The following NOTCH4 variants were observed in gnomAD, a reference collection of about 807,000 sequenced individuals.
NOTCH4 encodes notch receptor 4.
In NOTCH4, 138 loss-of-function variants were observed where a neutral mutation model predicts 189.0. The ratio of observed to expected loss-of-function variants is 0.73; its 90% confidence interval spans 0.64 to 0.84. The LOEUF (loss-of-function observed/expected upper bound fraction) is 0.84. Among genes scored for constraint, NOTCH4 ranks in the 40% least tolerant of loss-of-function variants. The pLI is 0.00. For missense variants in NOTCH4, 2,286 were observed against 2,605.4 expected (o/e 0.88, Z 2.67); for synonymous variants, 942 against 1,032.8 (o/e 0.91, Z 1.69).
Position 32,213,178 on chromosome 6 carries a change from C to T in NOTCH4, c.2395G>A (p.Gly799Ser). ...FSCLCAMGFQGPRCEGKLRPS... is the reference protein window; with the variant it reads ...FSCLCAMGFQSPRCEGKLRPS... ...CGGAGCTTTCCCTCACAGCGCGGGCCCTGGAAGCCCATGGCACAGAGGCAG... is the reference window on the plus strand; with the variant it reads ...CGGAGCTTTCCCTCACAGCGCGGGCTCTGGAAGCCCATGGCACAGAGGCAG... Residue 799 changes from glycine to serine, a missense_variant, in exon 15 of 30, where the codon GGC (glycine) becomes AGC (serine). Physicochemically the swap from Gly to Ser is moderately conservative, Grantham distance 56. Coordinates refer to ENST00000375023, the MANE Select transcript of NOTCH4 (RefSeq NM_004557.4). The T allele has an allele frequency of 6.2e-7, 1 of 1,614,022 alleles. No homozygotes were observed. Among genetic ancestry groups the T allele is most frequent in the Non-Finnish European group, 8.5e-7 (1 of 1,179,966 alleles).
At chr6:32,214,466 G>GAC (rs1789248797) in intron 12 of NOTCH4, among the ~76,000 whole-genome samples, 1 of 116,682 alleles carries the variant, frequency 8.6e-6, no homozygotes, top group Non-Finnish European at 1.8e-5. Context: ...TCTAGTTGGA[G>GAC]ATATATATAT....
At position 32,197,489 on chromosome 6, in the gene NOTCH4, T is replaced by A; in HGVS notation, c.4862A>T (p.Asp1621Val). Residue 1621 changes from aspartate (D) to valine (V), a missense_variant, in exon 27 of 30, where the codon GAT (aspartate) becomes GTT (valine). By Grantham distance (152) the Asp-to-Val change is radical. This residue lies in a region of NOTCH4 where 1,903 missense variants were observed against 2,261.9 expected (regional missense o/e 0.84). Transcript: ENST00000375023. The stretch of plus-strand genomic sequence containing the variant: ...GTGAGCCTGGGGACAGGCCCCTCCA[T>A]CCAGCAGAGGTTCCCAGGGCTCAGG... ...GCPEPWEPLL[D>V]GGACPQAHTV... 6.2e-7 allele frequency: 1 copy of A among 1,603,776 alleles called. No individual in the cohort carries two copies. Among genetic ancestry groups the A allele is most frequent in the Non-Finnish European group, 8.5e-7 (1 of 1,174,836 alleles).
chr6:32,219,644 T>C lies in NOTCH4; in HGVS notation c.1458A>G (p.Pro486=), dbSNP rs1789623995. The C allele has an allele frequency of 1.2e-6, 2 of 1,612,980 alleles. No homozygotes were observed. Among genetic ancestry groups the C allele is most frequent in the East Asian group, 2.2e-5 (1 of 44,896 alleles). The change falls in exon 8 of 30, where the codon CCA becomes CCG. Residue 486 remains proline (P), a synonymous_variant. Coordinates refer to ENST00000375023, the MANE Select transcript of NOTCH4 (RefSeq NM_004557.4). ...HNECLSQPCH[P]GSTCLDLLAT... The stretch of plus-strand genomic sequence containing the variant: ...CAAGTAGGTCCAGACAGGTGCTTCC[T>C]GGGTGGCAGGGCTGGGAGAGGCACT...
At chr6:32,215,195 G>A in intron 12 of NOTCH4, 31 bp downstream of exon 12, 1 of 1,556,404 alleles carries the variant, frequency 6.4e-7, no homozygotes, top group South Asian at 1.2e-5. Context: ...CCAAAGGAGG[G>A]GGCAGATGGG....
In NOTCH4 at chr6:32,201,898, C is replaced by A. The variant is rs969888704; in HGVS notation, c.3755+178G>T. ...CGCCCCACATTAAATACTGATGCCA[C>A]CCCATTACCCTAGGTTGGAGTCCAG... On this transcript the variant is annotated intron_variant, in intron 21 of 29. Transcript: ENST00000375023. This position sits in a 1 kb window ranked among gnomAD's most constrained non-coding sequence, Gnocchi z 5.5. 3.8e-5 allele frequency: 19 copies of A among 499,978 alleles called. No individual in the cohort carries two copies. Among genetic ancestry groups the A allele is most frequent in the African/African-American group, 2.6e-4 (13 of 50,742 alleles). The allele number at this position is 499,978 out of a possible 1,614,324, so 31.0% of individuals were successfully genotyped here.
Position 32,200,081 on chromosome 6 carries a change from T to C in NOTCH4, c.4315+750A>G, listed in dbSNP as rs990184434. 6.6e-6 allele frequency among the ~76,000 whole-genome samples: 1 copy of C among 152,232 alleles called. No individual in the cohort carries two copies. The highest frequency in any genetic ancestry group is 1.5e-5 in the Non-Finnish European group (1 of 68,044). ...ATAAATCCGAAATCTGAAACACTTT[T>C]GTTCCCAAGCATTTCAGATAAGGGA... On this transcript the variant is annotated intron_variant, in intron 23 of 29. Transcript: ENST00000375023. This position sits in a 1 kb window ranked among gnomAD's most constrained non-coding sequence, Gnocchi z 5.0.
Position 32,195,507 on chromosome 6 carries a change from G to A in NOTCH4, c.5942C>T (p.Pro1981Leu). The stretch of plus-strand genomic sequence containing the variant: ...GGCTGGGGGACCACAGTCAAGTTGA[G>A]GTGATCCCCGCTCCGGGGACGGAGT... Reference protein sequence around the residue: ...CLTPSPERGSPQLDCGPPALQ... With the variant: ...CLTPSPERGSLQLDCGPPALQ... Residue 1981 changes from proline (P) to leucine (L), a missense_variant, in exon 30 of 30, where the codon CCT (proline) becomes CTT (leucine). By Grantham distance (98) the Pro-to-Leu change is moderately conservative. Coordinates refer to ENST00000375023, the MANE Select transcript of NOTCH4 (RefSeq NM_004557.4). This position sits in a 1 kb window ranked among gnomAD's most constrained non-coding sequence, Gnocchi z 5.4. 2 of 1,612,978 alleles carry A rather than the reference G, an allele frequency of 1.2e-6. No individual in the cohort carries two copies. Among genetic ancestry groups the A allele is most frequent in the Non-Finnish European group, 1.7e-6 (2 of 1,179,968 alleles).
chr6:32,197,396 C>T lies in NOTCH4; in HGVS notation c.4955G>A (p.Arg1652His), dbSNP rs752105876. 24 of 1,539,104 alleles carry T rather than the reference C, an allele frequency of 1.6e-5. No homozygotes were observed. The highest frequency in any genetic ancestry group is 1.8e-5 in the Non-Finnish European group (21 of 1,142,798). ...ARFSRPTAARRLLEAGANPNQ... is the reference protein window; with the variant it reads ...ARFSRPTAARHLLEAGANPNQ... ...GGGGTTGGCTCCAGCCTCAAGGAGGCGGCGGGCAGCGGTTGGCCGGGAGAA... is the reference window on the plus strand; with the variant it reads ...GGGGTTGGCTCCAGCCTCAAGGAGGTGGCGGGCAGCGGTTGGCCGGGAGAA... Residue 1652 changes from arginine to histidine, a missense_variant, in exon 27 of 30, where the codon CGC becomes CAC. By Grantham distance (29) the Arg-to-His change is conservative. Coordinates refer to ENST00000375023, the MANE Select transcript of NOTCH4 (RefSeq NM_004557.4).
At chr6:32,220,036 T>C in intron 7 of NOTCH4, 93 bp downstream of exon 7, 1 of 1,433,424 alleles carries the variant, frequency 7.0e-7, no homozygotes. Flanking sequence ...AGATGTTTGG[T>C]TTTTTAATTG....
rs779321619 is a variant in NOTCH4, at chr6:32,219,670, C to T, written c.1432G>A (p.Glu478Lys). The change falls in exon 8 of 30, where the codon GAG (glutamate) becomes AAG (lysine). Residue 478 changes from glutamate (E) to lysine (K), a missense_variant. Glu to Lys is a moderately conservative substitution (Grantham distance 56). This residue lies in a region of NOTCH4 where 1,903 missense variants were observed against 2,261.9 expected (regional missense o/e 0.84). Coordinates refer to ENST00000375023, the MANE Select transcript of NOTCH4 (RefSeq NM_004557.4). ...TGSRCEADHN[E>K]CLSQPCHPGS... is the part of the protein sequence containing the mutation. ...GGGTGGCAGGGCTGGGAGAGGCACT[C>T]ATTGTGATCAGCCTCACAACGGGAG... is the stretch of plus-strand genomic sequence containing the variant. 6.2e-7 allele frequency: 1 copy of T among 1,613,140 alleles called. No homozygotes were observed. Among genetic ancestry groups the T allele is most frequent in the Non-Finnish European group, 8.5e-7 (1 of 1,180,014 alleles).
At position 32,223,939 on chromosome 6, in the gene NOTCH4, C is replaced by T; in HGVS notation, c.-11G>A. 1 of 1,595,262 alleles carries T rather than the reference C, an allele frequency of 6.3e-7. No individual in the cohort carries two copies. Among genetic ancestry groups the T allele is most frequent in the Non-Finnish European group, 8.5e-7 (1 of 1,176,278 alleles). ...TGAAGGGGGCTGCATTCCACAGCCCCTTCTCCAAGCCCCGGTCCCTGTCCC... is the reference window on the plus strand; with the variant it reads ...TGAAGGGGGCTGCATTCCACAGCCCTTTCTCCAAGCCCCGGTCCCTGTCCC... On this transcript the variant is annotated 5_prime_UTR_variant, in exon 1 of 30. Transcript: ENST00000375023.
At chr6:32,216,441 C>A in intron 11 of NOTCH4, 1 of 187,428 alleles carries the variant, frequency 5.3e-6, no homozygotes, top group Non-Finnish European at 1.1e-5. Flanking sequence ...GCTTATCTTT[C>A]AAGACTCATC....
At position 32,197,332 on chromosome 6, in the gene NOTCH4, A is replaced by C; in HGVS notation, c.5019T>G (p.Ala1673=). The C allele has an allele frequency of 6.5e-7, 1 of 1,532,928 alleles. No homozygotes were observed. The highest frequency in any genetic ancestry group is 8.8e-7 in the Non-Finnish European group (1 of 1,141,630). 95.0% of individuals were successfully genotyped at this position (1,532,928 alleles called of 1,614,324 possible). A position where few individuals can be genotyped will look rare whatever the true frequency, so the allele number is the denominator to read the frequency against. The change falls in exon 27 of 30, where the codon GCT becomes GCG. Residue 1673 remains alanine, a synonymous_variant. Coordinates refer to ENST00000375023, the MANE Select transcript of NOTCH4 (RefSeq NM_004557.4). The part of the protein sequence containing the change: ...PDRAGRTPLH[A]AVAADAREVC... ...CCTCCCGAGCATCAGCAGCCACAGC[A>C]GCATGAAGGGGTGTGCGCCCTGCCC...
rs770930060 is a variant in NOTCH4 at position 32,201,182 on chromosome 6, G to T, written c.4074C>A (p.Thr1358=). The change falls in exon 22 of 30, where the codon ACC becomes ACA. Residue 1358 remains threonine (T), a synonymous_variant. Coordinates refer to ENST00000375023, the MANE Select transcript of NOTCH4 (RefSeq NM_004557.4). This position sits in a 1 kb window ranked among gnomAD's most constrained non-coding sequence, Gnocchi z 5.5. ...TTTGAGGGGCTGCTCTCTCCTGATAGGTGGGGTCCCGAGTTCCTCCTAGCT... is the reference window on the plus strand; with the variant it reads ...TTTGAGGGGCTGCTCTCTCCTGATATGTGGGGTCCCGAGTTCCTCCTAGCT... ...EEKLGGTRDP[T]YQERAAPQTQ... 6.2e-7 allele frequency: 1 copy of T among 1,612,922 alleles called. No homozygotes were observed. The highest frequency in any genetic ancestry group is 8.5e-7 in the Non-Finnish European group (1 of 1,179,964).
At chr6:32,222,455 C>T (rs2127490509) in intron 3 of NOTCH4, 56 bp downstream of exon 3, 9 of 1,423,416 alleles carry the variant, frequency 6.3e-6, no homozygotes, top group Non-Finnish European at 8.3e-6. Flanking sequence ...TCCCCACCCA[C>T]AGCCTAGCCC....
Position 32,223,007 on chromosome 6 carries a change from G to A in NOTCH4, c.153C>T (p.Cys51=). The part of the protein sequence containing the change: ...CLSLSLGQGT[C]QCAPGFLGET... The stretch of plus-strand genomic sequence containing the variant: ...CCACTCCTGCAAGGCACACTCACTG[G>A]CAGGTCCCTTGTCCCAGAGACAGGC... The change falls in exon 2 of 30, where the codon TGC becomes TGT. Residue 51 remains cysteine, a splice_region_variant and synonymous_variant. Transcript: ENST00000375023. 1.2e-6 allele frequency: 2 copies of A among 1,612,346 alleles called. No individual in the cohort carries two copies. The highest frequency in any genetic ancestry group is 2.2e-5 in the South Asian group (2 of 91,022).
intron 17 of NOTCH4, among the ~76,000 whole-genome samples, chr6:32,211,564 C>A (rs938281228): frequency 6.6e-6 from 1 of 151,408 alleles, no homozygotes; most frequent in East Asian, 1.9e-4. Context: ...CTGCACTCCA[C>A]CCTGGGTGAC....
chr6:32,213,762 C>G lies in NOTCH4; in HGVS notation c.2246G>C (p.Gly749Ala). Residue 749 changes from glycine to alanine, a missense_variant, in exon 14 of 30, where the codon GGA becomes GCA. Transcript: ENST00000375023. Reference sequence around the variant, plus strand: ...TGGAGGGCAGGTGCAGTAGTAGCCTCCAGGGCTAGGGTTGCAGGAGCCGCC... The same window carrying G: ...TGGAGGGCAGGTGCAGTAGTAGCCTGCAGGGCTAGGGTTGCAGGAGCCGCC... Reference protein sequence around the residue: ...LNGGSCNPSPGGYYCTCPPSH... With the variant: ...LNGGSCNPSPAGYYCTCPPSH... 1 of 1,612,204 alleles carries G rather than the reference C, an allele frequency of 6.2e-7. No homozygotes were observed. Among genetic ancestry groups the G allele is most frequent in the Non-Finnish European group, 8.5e-7 (1 of 1,179,872 alleles).
chr6:32,198,283 G>A lies in NOTCH4; in HGVS notation c.4756+138C>T, dbSNP rs1788085777. On this transcript the variant is annotated intron_variant, in intron 26 of 29. Coordinates refer to ENST00000375023, the MANE Select transcript of NOTCH4 (RefSeq NM_004557.4). The surrounding 1 kb of genome is among the most constrained non-coding windows in gnomAD (Gnocchi z 5.5). Reference sequence around the variant, plus strand: ...GGTGATGCTGATTTTGCTGTCTGAGGACCACACTTTGAGAATCATTGTTCT... The same window carrying A: ...GGTGATGCTGATTTTGCTGTCTGAGAACCACACTTTGAGAATCATTGTTCT... The A allele has an allele frequency of 1.1e-6, 1 of 921,748 alleles. No homozygotes were observed. The highest frequency in any genetic ancestry group is 1.6e-6 in the Non-Finnish European group (1 of 625,024). The allele number at this position is 921,748 out of a possible 1,614,324, so 57.1% of individuals were successfully genotyped here.
Sources: allele counts gnomAD v4.1 joint callset (sites outside exome capture counted in the v4.1 genomes callset), GRCh38; gene constraint gnomAD v4.1.1; regional missense constraint gnomAD v4.1.1; non-coding constraint Gnocchi (gnomAD v3.1); transcripts MANE v1.5; gene names NCBI Gene and HGNC (gene_info 2026-07-23, HGNC 2026-07-21).